LRRIQ3: variants seen among roughly 807,000 people sequenced by gnomAD.
The protein encoded by LRRIQ3 is leucine-rich repeat and IQ domain-containing protein 3.
Under a neutral mutation model 59.3 loss-of-function variants are expected in LRRIQ3, and 75 were observed. That is an observed-to-expected ratio of 1.26 (90% CI 1.05 to 1.53). The LOEUF (loss-of-function observed/expected upper bound fraction) is 1.53. LRRIQ3 is among the 40% of genes most tolerant of loss of function. The pLI, the probability that LRRIQ3 is intolerant of heterozygous loss-of-function variation, is 0.00. For synonymous variants in LRRIQ3, 250 were observed against 231.3 expected (o/e 1.08, Z -0.73); for missense variants, 831 against 710.0 (o/e 1.17, Z -1.94).
chr1:74,134,441 A>C (rs1366903695), intron 4 of LRRIQ3, among the ~76,000 whole-genome samples: 1 of 152,040 alleles, frequency 6.6e-6, no homozygotes, highest in Non-Finnish European at 1.5e-5. Flanking sequence ...CAGTAACTTC[A>C]ATTCACAGGA....
At chr1:74,159,272 T>C (rs1648524670) in intron 3 of LRRIQ3, among the ~76,000 whole-genome samples, 1 of 152,140 alleles carries the variant, frequency 6.6e-6, no homozygotes, top group African/African-American at 2.4e-5. Context: ...CTGATGTTTT[T>C]AGCTGACAAA....
intron 4 of LRRIQ3, among the ~76,000 whole-genome samples, chr1:74,120,320 G>A (rs1488550009): frequency 1.3e-5 from 2 of 151,974 alleles, no homozygotes; most frequent in East Asian, 3.9e-4. Flanking sequence ...ATTTCACTAT[G>A]TTGGCCAGGA....
At chr1:74,088,901 CT>C (rs1308598926) in intron 5 of LRRIQ3, among the ~76,000 whole-genome samples, 1 of 151,902 alleles carries the variant, frequency 6.6e-6, no homozygotes, top group African/African-American at 2.4e-5. Context: ...GAGAAAATAA[CT>C]CACAAATTAT....
chr1:74,066,256 A>G (rs1394822868), intron 6 of LRRIQ3, among the ~76,000 whole-genome samples: 1 of 152,004 alleles, frequency 6.6e-6, no homozygotes, highest in African/African-American at 2.4e-5. Context: ...AAGATTATTA[A>G]GAAAATCTCT....
intron 3 of LRRIQ3, among the ~76,000 whole-genome samples, chr1:74,175,325 C>G (rs1181196260): frequency 6.6e-6 from 1 of 152,190 alleles, no homozygotes; most frequent in Non-Finnish European, 1.5e-5. Context: ...ACTAACAGCT[C>G]TACCCTCCCC....
In LRRIQ3 at chr1:74,041,699, T is replaced by C; in HGVS notation, c.1232A>G (p.Gln411Arg). 1.9e-6 allele frequency: 3 copies of C among 1,613,628 alleles called. No individual in the cohort carries two copies. The highest frequency in any genetic ancestry group is 2.5e-6 in the Non-Finnish European group (3 of 1,179,774). Reference sequence around the variant, plus strand: ...TGTTCGGAGTTTCATACCAGCTCTTTGTGGTGCAAAAAACTCTTTCATACT... The same window carrying C: ...TGTTCGGAGTTTCATACCAGCTCTTCGTGGTGCAAAAAACTCTTTCATACT... ...ERSMKEFFAP[Q>R]RAGMKLRTFS... The change falls in exon 7 of 8, where the codon CAA becomes CGA. Residue 411 changes from glutamine to arginine, a missense_variant. Physicochemically the swap from Gln to Arg is conservative, Grantham distance 43. Coordinates refer to ENST00000354431, the MANE Select transcript of LRRIQ3 (RefSeq NM_001105659.2).
In LRRIQ3 at chr1:74,084,399, C is replaced by G. The variant is rs538500582; in HGVS notation, c.868-9609G>C. ...TGGCTCTCCAAATGATAGCAAGAAA[C>G]CTAAACATGTGAATTTTCACATTTC... On this transcript the variant is annotated intron_variant, in intron 5 of 7. Coordinates refer to ENST00000354431, the MANE Select transcript of LRRIQ3 (RefSeq NM_001105659.2). Among the ~76,000 whole-genome samples the G allele has an allele frequency of 7.9e-5, 12 of 151,726 alleles. No homozygotes were observed. The South Asian group carries it at 2.5e-3, about 31-fold the overall frequency.
chr1:74,098,125 G>T (rs1646474239), intron 5 of LRRIQ3, among the ~76,000 whole-genome samples: 1 of 151,756 alleles, frequency 6.6e-6, no homozygotes, highest in Middle Eastern at 3.2e-3. Context: ...TGGATAAAGA[G>T]TCAAGACCCA....
At chr1:74,186,712 G>C (rs551150900) in intron 1 of LRRIQ3, among the ~76,000 whole-genome samples, 1 of 152,162 alleles carries the variant, frequency 6.6e-6, no homozygotes, top group Non-Finnish European at 1.5e-5. Flanking sequence ...TTGGGATAAT[G>C]CTCATGATAT....
chr1:74,139,276 AAAGG>A (rs1393334002), intron 4 of LRRIQ3, among the ~76,000 whole-genome samples: 64 of 150,564 alleles, frequency 4.3e-4, no homozygotes, highest in Admixed American at 8.0e-4. Context: ...AGGAAGGGAG[AAAGG>A]AAGGAAGGAA....
intron 6 of LRRIQ3, among the ~76,000 whole-genome samples, chr1:74,070,691 A>T (rs960834300): frequency 6.6e-6 from 1 of 151,878 alleles, no homozygotes; most frequent in Non-Finnish European, 1.5e-5. Context: ...TTTAGTAATA[A>T]CTTATGATTT....
intron 4 of LRRIQ3, among the ~76,000 whole-genome samples, chr1:74,133,887 C>T (rs1647073220): frequency 6.6e-6 from 1 of 151,504 alleles, no homozygotes; most frequent in Non-Finnish European, 1.5e-5. Context: ...AGCACATAAT[C>T]CTACCAAAAA....
chr1:74,050,766 AAT>A (rs2100415129), intron 6 of LRRIQ3, among the ~76,000 whole-genome samples: 1 of 152,304 alleles, frequency 6.6e-6, no homozygotes, highest in South Asian at 2.1e-4. Flanking sequence ...AAATGAAACG[AAT>A]ATAAGGAAGA....
intron 4 of LRRIQ3, among the ~76,000 whole-genome samples, chr1:74,134,817 T>C (rs1349341459): frequency 2.7e-5 from 4 of 150,160 alleles, no homozygotes; most frequent in African/African-American, 7.4e-5. Context: ...TATAAAAGAA[T>C]GTGGTAAAGG....
intron 4 of LRRIQ3, chr1:74,144,416 A>G (rs1003168190): frequency 3.1e-6 from 1 of 327,468 alleles, no homozygotes; most frequent in Admixed American, 4.8e-5. Flanking sequence ...TTTTCAATAG[A>G]TTTTATATTT....
chr1:74,183,347 G>T, intron 2 of LRRIQ3, 89 bp downstream of exon 2: 1 of 1,152,374 alleles, frequency 8.7e-7, no homozygotes, highest in Non-Finnish European at 1.2e-6. Context: ...AGACCATGTT[G>T]AAGAAATACT....
intron 5 of LRRIQ3, chr1:74,083,874 TAGC>T (rs1557607180): frequency 3.8e-6 from 1 of 261,738 alleles, no homozygotes; most frequent in Non-Finnish European, 7.2e-6. Flanking sequence ...GTTTTTGCAT[TAGC>T]AGTCTCTGCA....
chr1:74,130,799 C>A (rs937092608), intron 4 of LRRIQ3, among the ~76,000 whole-genome samples: 7 of 151,954 alleles, frequency 4.6e-5, no homozygotes, highest in Non-Finnish European at 1.0e-4. Flanking sequence ...AAAATTGACA[C>A]CCTAACATCA....
At chr1:74,050,043 C>T (rs1320499788) in intron 6 of LRRIQ3, among the ~76,000 whole-genome samples, 1 of 151,756 alleles carries the variant, frequency 6.6e-6, no homozygotes, top group Non-Finnish European at 1.5e-5. Context: ...CCTGCCTCAG[C>T]CTCCTGAGTA....
Sources: gnomAD v4.1 joint callset for allele counts (sites outside exome capture counted in the v4.1 genomes callset) on GRCh38, gnomAD v4.1.1 for gene constraint, MANE v1.5 for transcripts, NCBI Gene and HGNC (gene_info 2026-07-23, HGNC 2026-07-21) for gene names.